ATP13A5: variants seen among roughly 807,000 people sequenced by gnomAD.
ATP13A5 encodes the protein probable cation-transporting ATPase 13A5.
In ATP13A5, 149 loss-of-function variants were observed where a neutral mutation model predicts 150.2. The observed-to-expected ratio is 0.99, with a 90% CI of 0.87 to 1.14. The LOEUF is 1.14. Among genes scored for constraint, ATP13A5 ranks in the 50% most tolerant of loss-of-function variants. ATP13A5 has a pLI of 0.00. For synonymous variants in ATP13A5, 497 were observed against 522.2 expected (o/e 0.95, Z 0.66); for missense variants, 1,383 against 1,449.3 (o/e 0.95, Z 0.74).
Position 193,327,005 on chromosome 3 carries a change from G to A in ATP13A5, c.1514C>T (p.Ala505Val), listed in dbSNP as rs1271634926. The A allele has an allele frequency of 6.2e-7, 1 of 1,613,886 alleles. No homozygotes were observed. The highest frequency in any genetic ancestry group is 1.7e-5 in the Admixed American group (1 of 59,990). The change falls in exon 13 of 30, where the codon GCT becomes GTT. Residue 505 changes from alanine (A) to valine (V), a missense_variant. Transcript: ENST00000342358. ...GLDLWGTVPT[A>V]DNCFQEAHSF... Reference sequence around the variant, plus strand: ...CACATAAGAGGCCTACCAGTTGTCAGCAGTAGGGACAGTCCCCCAGAGGTC... The same window carrying A: ...CACATAAGAGGCCTACCAGTTGTCAACAGTAGGGACAGTCCCCCAGAGGTC...
At chr3:193,324,305 C>T (rs1020495556) in intron 14 of ATP13A5, among the ~76,000 whole-genome samples, 4 of 152,146 alleles carry the variant, frequency 2.6e-5, no homozygotes, top group Non-Finnish European at 4.4e-5. Context: ...CAGTCGCCAC[C>T]AGCCACTTGT....
chr3:193,291,576 T>C (rs1433793395), intron 25 of ATP13A5, among the ~76,000 whole-genome samples: 1 of 151,976 alleles, frequency 6.6e-6, no homozygotes, highest in African/African-American at 2.4e-5. Context: ...GATTAGAGGG[T>C]TGGAACTTTG....
intron 8 of ATP13A5, 127 bp from the exon 9 acceptor site, chr3:193,344,182 C>T (rs1360172057): frequency 3.4e-6 from 4 of 1,193,490 alleles, no homozygotes; most frequent in Non-Finnish European, 3.5e-6. Context: ...TGTTGAAGCC[C>T]CTTTTTAGTC....
At chr3:193,329,935 C>A (rs1711565926) in intron 12 of ATP13A5, among the ~76,000 whole-genome samples, 1 of 152,178 alleles carries the variant, frequency 6.6e-6, no homozygotes, top group Non-Finnish European at 1.5e-5. Context: ...TGTCACCAGT[C>A]TTCTTAAAAA....
chr3:193,329,275 G>T lies in ATP13A5; in HGVS notation c.1461+1848C>A, dbSNP rs1184446490. ...AAAAAAAAGGTCACACAAAGACTTAGTACCAAATTCTGGGTCAGATTTCTC... is the reference window on the plus strand; with the variant it reads ...AAAAAAAAGGTCACACAAAGACTTATTACCAAATTCTGGGTCAGATTTCTC... On this transcript the variant is annotated intron_variant, in intron 12 of 29. Transcript: ENST00000342358. Among the ~76,000 whole-genome samples, 11 of 151,626 alleles carry T rather than the reference G, an allele frequency of 7.3e-5. 1 individual carries two copies. In the South Asian group the frequency reaches 2.3e-3, roughly 32 times the overall value.
At chr3:193,278,949 T>G (rs1460221261) in intron 28 of ATP13A5, among the ~76,000 whole-genome samples, 1 of 152,196 alleles carries the variant, frequency 6.6e-6, no homozygotes, top group Non-Finnish European at 1.5e-5. Context: ...TAAAACTTCA[T>G]GTAGTCAATA....
chr3:193,325,743 C>G (rs1284636366), intron 13 of ATP13A5, among the ~76,000 whole-genome samples: 1 of 152,226 alleles, frequency 6.6e-6, no homozygotes, highest in African/African-American at 2.4e-5. Flanking sequence ...CATCCCACCT[C>G]TAAAGCCTGT....
chr3:193,373,982 T>C (rs1358962762), intron 1 of ATP13A5, among the ~76,000 whole-genome samples: 1 of 152,196 alleles, frequency 6.6e-6, no homozygotes, highest in African/African-American at 2.4e-5. Flanking sequence ...GGAACACAGA[T>C]GGAATTGCTG....
chr3:193,275,273 C>G lies in ATP13A5; in HGVS notation c.3426G>C (p.Trp1142Cys). 1 of 1,613,760 alleles carries G rather than the reference C, an allele frequency of 6.2e-7. No individual in the cohort carries two copies. Residue 1142 changes from tryptophan to cysteine, a missense_variant, in exon 30 of 30, where the codon TGG becomes TGC. Transcript: ENST00000342358. Reference sequence around the variant, plus strand: ...ATCCAAATTCTCTTTTGATCAACAGCCAGAGTTCATGATTTTGAAGGATGG... The same window carrying G: ...ATCCAAATTCTCTTTTGATCAACAGGCAGAGTTCATGATTTTGAAGGATGG... ...EDSILQNHEL[W>C]LLIKREFGFY...
In ATP13A5 at chr3:193,331,161, T is replaced by C. The variant is rs375664860; in HGVS notation, c.1423A>G (p.Asn475Asp). 1.5e-5 allele frequency: 24 copies of C among 1,614,102 alleles called. No individual in the cohort carries two copies. Among genetic ancestry groups the C allele is most frequent in the Non-Finnish European group, 1.9e-5 (23 of 1,179,964 alleles). ...KIFCISPQRI[N>D]MCGQINLVCF... Reference sequence around the variant, plus strand: ...ACGAGGTTTATTTGCCCACACATGTTGATTCTCTGTGGGGAGATACAGAAG... The same window carrying C: ...ACGAGGTTTATTTGCCCACACATGTCGATTCTCTGTGGGGAGATACAGAAG... Residue 475 changes from asparagine (N) to aspartate (D), a missense_variant, in exon 12 of 30, where the codon AAC (asparagine) becomes GAC (aspartate). Transcript: ENST00000342358.
intron 2 of ATP13A5, 88 bp from the exon 3 acceptor site, chr3:193,363,470 C>G: frequency 7.9e-7 from 1 of 1,268,824 alleles, no homozygotes; most frequent in Non-Finnish European, 1.1e-6. Flanking sequence ...TGGTACAAAA[C>G]TTTGACCCAA....
chr3:193,339,442 A>T (rs1712028183), intron 9 of ATP13A5, among the ~76,000 whole-genome samples: 1 of 152,104 alleles, frequency 6.6e-6, no homozygotes. Context: ...GAAAACACAT[A>T]GTTTTTTCAA....
Position 193,279,583 on chromosome 3 carries a change from CATATGTTTTGAA to C in ATP13A5, c.3227-141_3227-130del. On this transcript the variant is annotated intron_variant, in intron 27 of 29. Transcript: ENST00000342358. Reference sequence around the variant, plus strand: ...ATCTTCAGATGTTTTGATATATCCTCATATGTTTTGAAATATGTTCTAATGCTTATAAGATGA... The same window carrying C: ...ATCTTCAGATGTTTTGATATATCCTCATATGTTCTAATGCTTATAAGATGA... The C allele has an allele frequency of 4.5e-6, 3 of 673,860 alleles. No individual in the cohort carries two copies. In the South Asian group the frequency reaches 5.4e-5, roughly 12 times the overall value. The allele number at this position is 673,860 out of a possible 1,614,324, so 41.7% of individuals were successfully genotyped here.
At chr3:193,315,364 C>T (rs1016440725) in intron 17 of ATP13A5, among the ~76,000 whole-genome samples, 18 of 152,226 alleles carry the variant, frequency 1.2e-4, no homozygotes, top group African/African-American at 4.3e-4. Context: ...TCTTCCAACT[C>T]TTCTGTTGGT....
At chr3:193,323,315 C>G (rs751275207) in intron 14 of ATP13A5, 14 of 152,196 alleles carry the variant, frequency 9.2e-5, no homozygotes, top group Non-Finnish European at 1.9e-4. Context: ...TCTAAAAGGA[C>G]AGTTTCCCTC....
At chr3:193,276,935 AGTGGTGGGCATTACT>A in intron 28 of ATP13A5, 105 bp from the exon 29 acceptor site, 1 of 828,338 alleles carries the variant, frequency 1.2e-6, no homozygotes, top group Non-Finnish European at 1.9e-6. Context: ...CTCTGAGCTT[AGTGGTGGGCATTACT>A]TTGTCCCTTT....
At chr3:193,299,072 G>C in intron 25 of ATP13A5, 59 bp downstream of exon 25, 1 of 1,410,406 alleles carries the variant, frequency 7.1e-7, no homozygotes. Context: ...TTGTGTGACT[G>C]TTTCTAGAAT....
In ATP13A5 at chr3:193,285,119, A is replaced by G; in HGVS notation, c.3024-3T>C. On this transcript the variant is annotated splice_region_variant and splice_polypyrimidine_tract_variant and intron_variant, in intron 26 of 29. Transcript: ENST00000342358. ...TTTGGTTGGCCAGAAAACACTCACT[A>G]CAAAAGAATCACCAGTGTTTATGAA... 1 of 1,611,664 alleles carries G rather than the reference A, an allele frequency of 6.2e-7. No individual in the cohort carries two copies. Among genetic ancestry groups the G allele is most frequent in the Non-Finnish European group, 8.5e-7 (1 of 1,178,798 alleles).
chr3:193,313,982 C>A lies in ATP13A5; in HGVS notation c.2319+51G>T, dbSNP rs766599829. The A allele has an allele frequency of 1.9e-6, 3 of 1,594,902 alleles. No homozygotes were observed. The Admixed American group carries it at 5.1e-5, about 27-fold the overall frequency. ...GAGAGAAGGCTGAGCAGTGCCAGGACTGTATTCCATCAGTCTAGGCCCACG... is the reference window on the plus strand; with the variant it reads ...GAGAGAAGGCTGAGCAGTGCCAGGAATGTATTCCATCAGTCTAGGCCCACG... On this transcript the variant is annotated intron_variant, in intron 19 of 29. Transcript: ENST00000342358.
Sources: gnomAD v4.1 joint callset for allele counts (sites outside exome capture counted in the v4.1 genomes callset) on GRCh38, gnomAD v4.1.1 for gene constraint, MANE v1.5 for transcripts, NCBI Gene and HGNC (gene_info 2026-07-23, HGNC 2026-07-21) for gene names.